KCNMA1: variants seen among roughly 807,000 people sequenced by gnomAD.
The protein encoded by KCNMA1 is Calcium-activated potassium channel subunit alpha-1.
Under a neutral mutation model 140.0 loss-of-function variants are expected in KCNMA1, and 29 were observed. The observed-to-expected ratio is 0.21, with a 90% CI of 0.15 to 0.28. The LOEUF (loss-of-function observed/expected upper bound fraction) is 0.28, where lower values mean the gene tolerates loss of function less well. Ranked by LOEUF, KCNMA1 falls within the 10% of genes least tolerant of loss-of-function variation. KCNMA1 has a pLI of 1.00. For synonymous variants in KCNMA1, 612 were observed against 611.9 expected, an observed-to-expected ratio of 1.00 and a Z score of 0.00; for missense variants, 880 against 1,602.2, an observed-to-expected ratio of 0.55 and a Z score of 7.70.
At chr10:77,588,372 G>A (rs755463747) in intron 1 of KCNMA1, among the ~76,000 whole-genome samples, 19 of 152,226 alleles carry the variant, frequency 1.2e-4, no homozygotes, top group Non-Finnish European at 2.2e-4. Context: ...GGATGTAGGA[G>A]AAGGCTGCCC....
At chr10:76,941,039 A>AAG (rs1390565446) in intron 23 of KCNMA1, among the ~76,000 whole-genome samples, 5 of 74,678 alleles carry the variant, frequency 6.7e-5, no homozygotes, top group Non-Finnish European at 1.4e-4. Flanking sequence ...GAAAGAAAGA[A>AAG]AGAAAGAAAG....
At chr10:76,949,404 A>G in intron 21 of KCNMA1, 38 bp from the exon 22 acceptor site, 1 of 1,500,422 alleles carries the variant, frequency 6.7e-7, no homozygotes, top group Non-Finnish European at 9.3e-7. Flanking sequence ...CAGAGAGAAG[A>G]CTGCATAGGG....
chr10:77,503,036 G>A (rs1421618711), intron 1 of KCNMA1, among the ~76,000 whole-genome samples: 1 of 152,178 alleles, frequency 6.6e-6, no homozygotes, highest in Non-Finnish European at 1.5e-5. Flanking sequence ...AGGACCGCTT[G>A]AGCCCAGGAG....
intron 14 of KCNMA1, chr10:77,063,826 G>A: frequency 1.0e-6 from 1 of 985,406 alleles, no homozygotes; most frequent in Non-Finnish European, 1.2e-6. Flanking sequence ...GGATACCCAG[G>A]TGGACTCAGG....
At chr10:77,593,737 C>T (rs1021590326) in intron 1 of KCNMA1, among the ~76,000 whole-genome samples, 1 of 151,752 alleles carries the variant, frequency 6.6e-6, no homozygotes, top group East Asian at 2.0e-4. Context: ...GACTCAATGC[C>T]TCATCTTCTT....
At chr10:77,331,732 T>C (rs377288358) in intron 2 of KCNMA1, among the ~76,000 whole-genome samples, 2 of 152,010 alleles carry the variant, frequency 1.3e-5, no homozygotes, top group East Asian at 1.9e-4. Context: ...TGAAGATCCC[T>C]TGAGTCCGGG....
intron 1 of KCNMA1, among the ~76,000 whole-genome samples, chr10:77,536,407 T>A (rs1478301910): frequency 6.6e-6 from 1 of 152,176 alleles, no homozygotes; most frequent in Non-Finnish European, 1.5e-5. Flanking sequence ...TTCTTCCCAG[T>A]GTTGGGAGAA....
At chr10:77,581,264 A>G (rs2075782742) in intron 1 of KCNMA1, among the ~76,000 whole-genome samples, 1 of 151,868 alleles carries the variant, frequency 6.6e-6, no homozygotes, top group African/African-American at 2.4e-5. Context: ...GGCTGCTAAA[A>G]GCCAAAGCCA....
chr10:77,123,215 A>G (rs2097662040), intron 5 of KCNMA1, among the ~76,000 whole-genome samples: 1 of 138,636 alleles, frequency 7.2e-6, no homozygotes, highest in African/African-American at 2.7e-5. Flanking sequence ...AAAAAAAAAA[A>G]GTGTTAAACA....
At chr10:77,418,747 C>A (rs1158327111) in intron 1 of KCNMA1, among the ~76,000 whole-genome samples, 3 of 152,202 alleles carry the variant, frequency 2.0e-5, no homozygotes, top group Non-Finnish European at 4.4e-5. Context: ...TTTCCCCCAA[C>A]TTTCTAAATT....
intron 1 of KCNMA1, among the ~76,000 whole-genome samples, chr10:77,558,288 C>T (rs1461675725): frequency 6.6e-6 from 1 of 152,176 alleles, no homozygotes; most frequent in Non-Finnish European, 1.5e-5. Context: ...ACCCTGGCAG[C>T]ATCTCCCTTA....
intron 1 of KCNMA1, among the ~76,000 whole-genome samples, chr10:77,608,927 AAGAGAG>A (rs34706289): frequency 4.6e-4 from 69 of 151,506 alleles, no homozygotes; most frequent in African/African-American, 1.7e-3. Context: ...TAAGCAAAAA[AAGAGAG>A]AGAGAGAGAG....
intron 1 of KCNMA1, among the ~76,000 whole-genome samples, chr10:77,571,982 G>C (rs1283858186): frequency 4.6e-5 from 7 of 152,172 alleles, no homozygotes; most frequent in African/African-American, 1.7e-4. Flanking sequence ...CTAATGGAAG[G>C]GAGGAAAAAA....
intron 3 of KCNMA1, among the ~76,000 whole-genome samples, chr10:77,222,457 G>A (rs1032126963): frequency 1.3e-5 from 2 of 152,210 alleles, no homozygotes; most frequent in Non-Finnish European, 1.5e-5. Context: ...TTGCACCACA[G>A]TAAGGGCACT....
chr10:77,376,464 T>A (rs1364352834), intron 2 of KCNMA1: 1 of 152,030 alleles, frequency 6.6e-6, no homozygotes, highest in Admixed American at 6.5e-5. Context: ...GCGATGGAGA[T>A]AAAGGATGAA....
chr10:77,251,183 T>C lies in KCNMA1; in HGVS notation c.602+12A>G, dbSNP rs199818612. 7.5e-5 allele frequency: 119 copies of C among 1,591,346 alleles called. No homozygotes were observed. In the South Asian group the frequency reaches 1.2e-3, roughly 16 times the overall value. ...ATGAAACGAGGGCAAGAAAGTATAT[T>C]TGAATACTCACTTTGATGAATCTAT... On this transcript the variant is annotated intron_variant, in intron 3 of 27. Transcript: ENST00000286628.
chr10:77,474,968 T>C (rs2098245636), intron 1 of KCNMA1, among the ~76,000 whole-genome samples: 1 of 152,060 alleles, frequency 6.6e-6, no homozygotes, highest in Admixed American at 6.5e-5. Flanking sequence ...ATCATGAGCC[T>C]AGAAGGGAGA....
chr10:77,348,834 C>T (rs866164167), intron 2 of KCNMA1, among the ~76,000 whole-genome samples: 3 of 152,094 alleles, frequency 2.0e-5, no homozygotes, highest in Admixed American at 6.5e-5. Flanking sequence ...GAGGATAGGC[C>T]GCCACTGTTC....
rs1414293332 is a variant in KCNMA1, at chr10:77,263,039, A to C, written c.541-11783T>G. Among the ~76,000 whole-genome samples the C allele has an allele frequency of 5.9e-5, 9 of 152,288 alleles. No individual in the cohort carries two copies. In the East Asian group the frequency reaches 1.7e-3, roughly 29 times the overall value. On this transcript the variant is annotated intron_variant, in intron 2 of 27. Transcript: ENST00000286628. ...AATGGAAGGAAAATTCTGAGAACCC[A>C]CAAGTAGAATTCAGAAGCATATGTA... is the stretch of plus-strand genomic sequence containing the variant.
Sources: allele counts gnomAD v4.1 joint callset (sites outside exome capture counted in the v4.1 genomes callset), GRCh38; gene constraint gnomAD v4.1.1; transcripts MANE v1.5; gene names NCBI Gene and HGNC (gene_info 2026-07-23, HGNC 2026-07-21).